The following SLC1A2 variants were observed in gnomAD, a reference collection of about 807,000 sequenced individuals.
SLC1A2 encodes the protein solute carrier family 1 member 2.
In SLC1A2, 15 loss-of-function variants were observed where a neutral mutation model predicts 48.8. The ratio of observed to expected loss-of-function variants is 0.31; its 90% CI spans 0.21 to 0.47. The LOEUF (loss-of-function observed/expected upper bound fraction) is 0.47, where lower values mean the gene tolerates loss of function less well. Ranked by LOEUF, SLC1A2 falls within the 20% of genes least tolerant of loss-of-function variation. The pLI is 0.99. For missense variants in SLC1A2, 502 were observed against 730.5 expected, an observed-to-expected ratio of 0.69 and a Z score of 3.61; for synonymous variants, 279 against 272.6, an observed-to-expected ratio of 1.02 and a Z score of -0.23.
chr11:35,287,717 A>G (rs985594208), intron 7 of SLC1A2, among the ~76,000 whole-genome samples: 4 of 152,228 alleles, frequency 2.6e-5, no homozygotes, highest in Non-Finnish European at 5.9e-5. Flanking sequence ...GAAGGCCAGA[A>G]TTCCTGACAC....
intron 4 of SLC1A2, among the ~76,000 whole-genome samples, chr11:35,307,434 G>A (rs376523332): frequency 4.6e-5 from 7 of 152,174 alleles, no homozygotes; most frequent in African/African-American, 1.7e-4. Flanking sequence ...CGACATCCAT[G>A]GCAGTGGTCC....
intron 1 of SLC1A2, chr11:35,322,656 C>T (rs1382345910): frequency 1.3e-6 from 2 of 1,534,014 alleles, no homozygotes; most frequent in African/African-American, 1.4e-5. Context: ...CAGAGATTGC[C>T]CTACTGGAAG....
At chr11:35,382,404 G>A (rs1351330194) in intron 1 of SLC1A2, among the ~76,000 whole-genome samples, 1 of 152,232 alleles carries the variant, frequency 6.6e-6, no homozygotes, top group Non-Finnish European at 1.5e-5. Context: ...CTAGACCAGT[G>A]AAATCTTTGT....
chr11:35,312,845 T>C (rs1851751175), intron 3 of SLC1A2, among the ~76,000 whole-genome samples: 1 of 152,260 alleles, frequency 6.6e-6, no homozygotes, highest in Non-Finnish European at 1.5e-5. Flanking sequence ...AATCTGCACA[T>C]GTGGGACTCA....
chr11:35,283,938 ACT>A (rs1345118382), intron 8 of SLC1A2, among the ~76,000 whole-genome samples: 1 of 151,496 alleles, frequency 6.6e-6, no homozygotes, highest in Non-Finnish European at 1.5e-5. Flanking sequence ...ACATTTATTG[ACT>A]GGTGCCTGGC....
At position 35,254,790 on chromosome 11, in the gene SLC1A2, T is replaced by C. The variant is rs749095743; in HGVS notation, c.*6104A>G. ...AGGTCTGTTCCAATAGCTGGTTTTA[T>C]TCTCAGCACAAAAGGGCCCTGTGTA... is the stretch of plus-strand genomic sequence containing the variant. On this transcript the variant is annotated 3_prime_UTR_variant, in exon 11 of 11. Transcript: ENST00000278379. 8.5e-5 allele frequency: 39 copies of C among 456,192 alleles called. No individual in the cohort carries two copies. Among genetic ancestry groups the C allele is most frequent in the Middle Eastern group, 6.5e-4 (2 of 3,074 alleles). The allele number at this position is 456,192 out of a possible 1,614,324, so 28.3% of individuals were successfully genotyped here. A position where few individuals can be genotyped will look rare whatever the true frequency, so the allele number is the denominator to read the frequency against.
At chr11:35,414,851 T>C (rs1215576197) in intron 1 of SLC1A2, among the ~76,000 whole-genome samples, 1 of 152,216 alleles carries the variant, frequency 6.6e-6, no homozygotes, top group Admixed American at 6.5e-5. Flanking sequence ...GCGACTGAAA[T>C]GAAGAATAGT....
At position 35,292,264 on chromosome 11, in the gene SLC1A2, A is replaced by G. The variant is rs1222126172; in HGVS notation, c.1091+23T>C. ...AGGGCAAAAGAGTGAGCAAAGAGAA[A>G]GGTGATTTCTTTTGTTCTCTACCTG... On this transcript the variant is annotated intron_variant, in intron 7 of 10. Transcript: ENST00000278379. 2.6e-6 allele frequency: 4 copies of G among 1,525,330 alleles called. No individual in the cohort carries two copies. The South Asian group carries it at 3.4e-5, about 13-fold the overall frequency. 94.5% of individuals were successfully genotyped at this position (1,525,330 alleles called of 1,614,324 possible).
At chr11:35,281,782 C>A (rs930450640) in intron 8 of SLC1A2, 1 of 151,954 alleles carries the variant, frequency 6.6e-6, no homozygotes, top group Non-Finnish European at 1.5e-5. Flanking sequence ...TGTGGTCTGG[C>A]AAAGGGCAGT....
At chr11:35,405,971 T>C (rs1855280924) in intron 1 of SLC1A2, among the ~76,000 whole-genome samples, 1 of 152,210 alleles carries the variant, frequency 6.6e-6, no homozygotes, top group Admixed American at 6.5e-5. Context: ...TTTTGCGAGG[T>C]AGACAATTCA....
chr11:35,301,063 A>G (rs1851339922), intron 6 of SLC1A2, among the ~76,000 whole-genome samples: 1 of 152,164 alleles, frequency 6.6e-6, no homozygotes, highest in Non-Finnish European at 1.5e-5. Flanking sequence ...ATAAAAATAA[A>G]TAAATATCTT....
At chr11:35,267,981 G>C (rs753877021) in intron 9 of SLC1A2, among the ~76,000 whole-genome samples, 32 of 152,160 alleles carry the variant, frequency 2.1e-4, no homozygotes, top group Non-Finnish European at 3.8e-4. Context: ...TGTGGATTCA[G>C]TAAAGTGACC....
chr11:35,368,971 A>G (rs758043073), intron 1 of SLC1A2, among the ~76,000 whole-genome samples: 1 of 152,178 alleles, frequency 6.6e-6, no homozygotes, highest in Non-Finnish European at 1.5e-5. Flanking sequence ...GTACCTTTCT[A>G]TTTTTAATGT....
At chr11:35,281,259 G>A (rs951900872) in intron 8 of SLC1A2, among the ~76,000 whole-genome samples, 2 of 152,148 alleles carry the variant, frequency 1.3e-5, no homozygotes, top group African/African-American at 2.4e-5. Flanking sequence ...GATGCTATCC[G>A]GTTAGTCTAA....
chr11:35,272,876 G>A lies in SLC1A2; in HGVS notation c.1422-7118C>T, dbSNP rs898669312. On this transcript the variant is annotated intron_variant, in intron 9 of 10. Coordinates refer to ENST00000278379, the MANE Select transcript of SLC1A2 (RefSeq NM_004171.4). ...CCAAAAATGAGAGAGGGGCTTGACC[G>A]AGTTACTTCACACTGAGTCACTGGG... Among the ~76,000 whole-genome samples the A allele has an allele frequency of 5.3e-5, 8 of 152,138 alleles. 1 individual carries two copies. Among genetic ancestry groups the A allele is most frequent in the South Asian group, 4.1e-4 (2 of 4,822 alleles).
chr11:35,264,117 G>A (rs1950440539), intron 10 of SLC1A2: 1 of 152,152 alleles, frequency 6.6e-6, no homozygotes, highest in African/African-American at 2.4e-5. Context: ...ATAAACTTGT[G>A]CAATTGCCTC....
intron 1 of SLC1A2, 103 bp from the exon 2 acceptor site, chr11:35,317,619 G>A (rs1023344933): frequency 7.4e-7 from 1 of 1,359,324 alleles, no homozygotes; most frequent in East Asian, 2.3e-5. Context: ...TTGGAATCTG[G>A]AACCATCTGC....
chr11:35,415,969 A>T (rs1448538129), intron 1 of SLC1A2, among the ~76,000 whole-genome samples: 1 of 152,178 alleles, frequency 6.6e-6, no homozygotes, highest in Non-Finnish European at 1.5e-5. Context: ...TGGGTCAGGG[A>T]CCTAAAAGCC....
rs1851918383 is a variant in SLC1A2 at position 35,317,414 on chromosome 11, C to A, written c.120G>T (p.Lys40Asn). 1 of 1,614,052 alleles carries A rather than the reference C, an allele frequency of 6.2e-7. No homozygotes were observed. The highest frequency in any genetic ancestry group is 1.7e-5 in the Admixed American group (1 of 60,006). The part of the protein sequence containing the change: ...HRHLGLRLCD[K>N]LGKNLLLTLT... ...GGGTGAGCAGCAGATTCTTCCCCAG[C>A]TTGTCACACAGGCGCAGGCCCAGGT... The change falls in exon 2 of 11, where the codon AAG becomes AAT. Residue 40 changes from lysine (K) to asparagine (N), a missense_variant. Around this residue, in one of 4 missense-constraint regions of SLC1A2, gnomAD observed 89 missense variants for 119.7 expected, o/e 0.74. Transcript: ENST00000278379.
Sources: gnomAD v4.1 joint callset for allele counts (sites outside exome capture counted in the v4.1 genomes callset) on GRCh38, gnomAD v4.1.1 for gene constraint, gnomAD v4.1.1 regional missense constraint, MANE v1.5 for transcripts, NCBI Gene and HGNC (gene_info 2026-07-23, HGNC 2026-07-21) for gene names.